Variants in STAU2 observed in about 807,000 individuals in gnomAD.
STAU2 encodes double-stranded RNA-binding protein Staufen homolog 2.
STAU2 carries 20 observed loss-of-function variants against 65.9 expected under a neutral mutation model. The observed-to-expected ratio is 0.30, with a 90% CI of 0.21 to 0.44. The LOEUF (loss-of-function observed/expected upper bound fraction) is 0.44. Among genes scored for constraint, STAU2 ranks in the 20% least tolerant of loss-of-function variants. The pLI, the probability that STAU2 is intolerant of heterozygous loss-of-function variation, is 1.00. For missense variants in STAU2, 558 were observed against 683.9 expected, an observed-to-expected ratio of 0.82 and a Z score of 2.05; for synonymous variants, 232 against 233.9, an observed-to-expected ratio of 0.99 and a Z score of 0.07.
At chr8:73,572,973 C>G (rs1431346942) in intron 12 of STAU2, among the ~76,000 whole-genome samples, 1 of 152,202 alleles carries the variant, frequency 6.6e-6, no homozygotes, top group Non-Finnish European at 1.5e-5. Flanking sequence ...TCCCTGTTTG[C>G]AGATGACATG....
Position 73,435,819 on chromosome 8 carries a change from C to T in STAU2, c.1531-13117G>A, listed in dbSNP as rs140539029. On this transcript the variant is annotated intron_variant, in intron 13 of 14. Coordinates refer to ENST00000524300, the MANE Select transcript of STAU2 (RefSeq NM_001164380.2). The stretch of plus-strand genomic sequence containing the variant: ...GCCTGGGAAACCTTATCTGGGAGGA[C>T]TCCACAATTGGGGTTTTGCCTAAAA... Among the ~76,000 whole-genome samples the T allele has an allele frequency of 7.9e-3, 1,202 of 151,996 alleles. 32 individuals carry two copies. The highest frequency in any genetic ancestry group is 0.027 in the African/African-American group (1,123 of 41,282).
chr8:73,548,445 AAAAT>A (rs1208737240), intron 13 of STAU2, among the ~76,000 whole-genome samples: 1 of 152,144 alleles, frequency 6.6e-6, no homozygotes, highest in East Asian at 1.9e-4. Flanking sequence ...ATATTGTTAA[AAAAT>A]AAATACTTAA....
intron 13 of STAU2, among the ~76,000 whole-genome samples, chr8:73,427,082 C>A (rs1816881310): frequency 6.6e-6 from 1 of 151,978 alleles, no homozygotes; most frequent in South Asian, 2.1e-4. Context: ...GCATGCACCA[C>A]CACGCCAGAT....
intron 7 of STAU2, 92 bp from the exon 8 acceptor site, chr8:73,615,874 A>C (rs920243851): frequency 1.1e-6 from 1 of 930,030 alleles, no homozygotes. Context: ...TTAAATTACA[A>C]GAAGAAACAA....
At chr8:73,528,899 T>C (rs1295325111) in intron 13 of STAU2, among the ~76,000 whole-genome samples, 1 of 152,124 alleles carries the variant, frequency 6.6e-6, no homozygotes, top group Non-Finnish European at 1.5e-5. Flanking sequence ...ATGTATAATA[T>C]GGATCTGACT....
intron 6 of STAU2, among the ~76,000 whole-genome samples, chr8:73,664,362 T>A (rs1414308595): frequency 1.3e-5 from 2 of 152,224 alleles, no homozygotes; most frequent in Non-Finnish European, 2.9e-5. Flanking sequence ...ACAGTGTGTA[T>A]TACTGCCTTG....
At chr8:73,500,483 G>A (rs928129814) in intron 13 of STAU2, among the ~76,000 whole-genome samples, 1 of 151,682 alleles carries the variant, frequency 6.6e-6, no homozygotes, top group African/African-American at 2.4e-5. Flanking sequence ...CTAGTATTAA[G>A]TTACACAGTA....
rs373369621 is a variant in STAU2, at chr8:73,502,326, A to T, written c.1530+49686T>A. On this transcript the variant is annotated intron_variant, in intron 13 of 14. Transcript: ENST00000524300. ...CTTACTTCATATTAACTGTTGATAC[A>T]TGTCCTATACCAGTGCATTAGCCAT... 7.2e-4 allele frequency among the ~76,000 whole-genome samples: 109 copies of T among 152,120 alleles called. 1 individual carries two copies. The South Asian group carries it at 0.022, about 30-fold the overall frequency.
intron 13 of STAU2, among the ~76,000 whole-genome samples, chr8:73,516,720 A>G (rs934550068): frequency 1.3e-5 from 2 of 152,176 alleles, no homozygotes; most frequent in African/African-American, 4.8e-5. Context: ...TAAATAGTGT[A>G]ATAAATCATA....
At chr8:73,559,095 A>G (rs1158703060) in intron 12 of STAU2, among the ~76,000 whole-genome samples, 1 of 152,192 alleles carries the variant, frequency 6.6e-6, no homozygotes. Context: ...GCTCTAAGTA[A>G]GGTCTGTAGT....
chr8:73,718,283 T>G lies in STAU2; in HGVS notation c.-17-9121A>C, dbSNP rs148742144. ...TCCTGCCTGAATAAAGCTTATCTAA[T>G]GCACATATATTCTCCGTAAGGCATA... On this transcript the variant is annotated intron_variant, in intron 3 of 14. Coordinates refer to ENST00000524300, the MANE Select transcript of STAU2 (RefSeq NM_001164380.2). Among the ~76,000 whole-genome samples, 3 of 152,344 alleles carry G rather than the reference T, an allele frequency of 2.0e-5. No homozygotes were observed. In the East Asian group the frequency reaches 5.8e-4, roughly 29 times the overall value.
chr8:73,649,869 T>TTATCTATATATATATA (rs71269927), intron 6 of STAU2, among the ~76,000 whole-genome samples: 1 of 71,656 alleles, frequency 1.4e-5, no homozygotes. Flanking sequence ...CTATATAATT[T>TTATCTATATATATATA]TATATATATA....
At chr8:73,669,058 T>A (rs1386973867) in intron 6 of STAU2, 1 of 698,610 alleles carries the variant, frequency 1.4e-6, no homozygotes, top group South Asian at 1.5e-5. Context: ...GGAAAAGACA[T>A]CTCCTTGGAT....
chr8:73,688,625 C>G (rs374713172), intron 5 of STAU2, 29 bp downstream of exon 5: 85 of 1,612,606 alleles, frequency 5.3e-5, no homozygotes, highest in Non-Finnish European at 6.9e-5. Flanking sequence ...ACATAGCAGA[C>G]AACATAACAG....
At chr8:73,586,311 G>T (rs1431641810) in intron 11 of STAU2, among the ~76,000 whole-genome samples, 1 of 152,138 alleles carries the variant, frequency 6.6e-6, no homozygotes, top group African/African-American at 2.4e-5. Flanking sequence ...GATGAATCCT[G>T]GAAGGGGCTG....
intron 1 of STAU2, among the ~76,000 whole-genome samples, chr8:73,740,608 C>T (rs906019945): frequency 6.6e-5 from 10 of 152,034 alleles, no homozygotes; most frequent in African/African-American, 2.4e-4. Context: ...CAAACACAAC[C>T]AATCATCTTT....
At chr8:73,734,704 G>A (rs1362533108) in intron 3 of STAU2, among the ~76,000 whole-genome samples, 1 of 151,986 alleles carries the variant, frequency 6.6e-6, no homozygotes, top group Non-Finnish European at 1.5e-5. Context: ...TGAAACAGAA[G>A]AATTGCTTGA....
At chr8:73,681,672 A>T (rs1174766963) in intron 5 of STAU2, among the ~76,000 whole-genome samples, 1 of 152,156 alleles carries the variant, frequency 6.6e-6, no homozygotes, top group African/African-American at 2.4e-5. Context: ...CACTTAAAAG[A>T]TACAGAATGG....
At position 73,614,030 on chromosome 8, in the gene STAU2, C is replaced by T. The variant is rs541325024; in HGVS notation, c.679-74G>A. ...TATTCTTAAAGTATGACTTAATATT[C>T]ATATCAAAACCAAAATTAGTATTAT... On this transcript the variant is annotated intron_variant, in intron 8 of 14. Transcript: ENST00000524300. 38 of 1,194,314 alleles carry T rather than the reference C, an allele frequency of 3.2e-5. No individual in the cohort carries two copies. In the African/African-American group the frequency reaches 5.9e-4, roughly 18 times the overall value. 74.0% of individuals were successfully genotyped at this position (1,194,314 alleles called of 1,614,324 possible).
Sources: allele counts gnomAD v4.1 joint callset (sites outside exome capture counted in the v4.1 genomes callset), GRCh38; gene constraint gnomAD v4.1.1; transcripts MANE v1.5; gene names NCBI Gene and HGNC (gene_info 2026-07-23, HGNC 2026-07-21).